Variants in CFAP74 observed in about 807,000 individuals in gnomAD.
The protein encoded by CFAP74 is cilia- and flagella-associated protein 74.
A neutral mutation model predicts 188.9 loss-of-function variants in CFAP74; 124 were observed. The ratio of observed to expected loss-of-function variants is 0.66; its 90% CI spans 0.57 to 0.76. CFAP74 has a LOEUF of 0.76. Ranked by LOEUF, CFAP74 falls within the 30% of genes least tolerant of loss-of-function variation. The pLI is 0.00. For missense variants in CFAP74, 2,198 were observed against 2,165.2 expected (o/e 1.02, Z -0.30); for synonymous variants, 956 against 916.7 (o/e 1.04, Z -0.77).
chr1:1,988,558 G>C lies in CFAP74; in HGVS notation c.250C>G (p.Leu84Val). 1 of 1,613,428 alleles carries C rather than the reference G, an allele frequency of 6.2e-7. No individual in the cohort carries two copies. The highest frequency in any genetic ancestry group is 8.5e-7 in the Non-Finnish European group (1 of 1,180,016). ...TCTTGCTCCTCATGCATCTTATCCA[G>C]GGCGCTCAGGTTCTGCCGCAGGTGA... ...AFHLRQNLSA[L>V]DKMHEEQELF... Residue 84 changes from leucine to valine, a missense_variant, in exon 4 of 39, where the codon CTG becomes GTG. By Grantham distance (32) the Leu-to-Val change is conservative (BLOSUM62 1). Coordinates refer to ENST00000682832, the MANE Select transcript of CFAP74 (RefSeq NM_001304360.2).
Position 1,942,017 on chromosome 1 carries a change from C to T in CFAP74, c.2615+11G>A, listed in dbSNP as rs1182700424. 2 of 1,489,466 alleles carry T rather than the reference C, an allele frequency of 1.3e-6. No individual in the cohort carries two copies. The highest frequency in any genetic ancestry group is 5.2e-5 in the East Asian group (2 of 38,796). 92.3% of individuals were successfully genotyped at this position (1,489,466 alleles called of 1,614,324 possible). A position where few individuals can be genotyped will look rare whatever the true frequency, so the allele number is the denominator to read the frequency against. ...GTCCTCCTGTCCCGGCCTTGGCGTC[C>T]TGGCACCTACCGCGGCAGGAACTTG... is the stretch of plus-strand genomic sequence containing the variant. On this transcript the variant is annotated intron_variant, in intron 22 of 38. Coordinates refer to ENST00000682832, the MANE Select transcript of CFAP74 (RefSeq NM_001304360.2). This position sits in a 1 kb window ranked among gnomAD's most constrained non-coding sequence, Gnocchi z 4.3.
chr1:1,961,478 T>C (rs1051448955), intron 14 of CFAP74, among the ~76,000 whole-genome samples: 2 of 152,096 alleles, frequency 1.3e-5, no homozygotes, highest in East Asian at 3.9e-4. Context: ...AGGAGAGTGG[T>C]GGCCTCAACC....
chr1:1,988,877 C>T lies in CFAP74; in HGVS notation c.152+12G>A. ...CCCCACACCCACCTCCACCCCCGAT[C>T]CTCCGAGTTACCTGCTGTGTCCCGG... is the stretch of plus-strand genomic sequence containing the variant. On this transcript the variant is annotated intron_variant, in intron 3 of 38. Transcript: ENST00000682832. 7.8e-7 allele frequency: 1 copy of T among 1,287,740 alleles called. No homozygotes were observed. Among genetic ancestry groups the T allele is most frequent in the Non-Finnish European group, 1.1e-6 (1 of 916,702 alleles). 79.8% of individuals were successfully genotyped at this position (1,287,740 alleles called of 1,614,324 possible).
rs1656261339 is a variant in CFAP74 at position 1,973,934 on chromosome 1, G to A, written c.674+91C>T. The stretch of plus-strand genomic sequence containing the variant: ...GTGGATCTGGACAGATGTGGAGGGC[G>A]AGGCTGAATCTGGAGACCCCTGGGG... On this transcript the variant is annotated intron_variant, in intron 7 of 38. Transcript: ENST00000682832. The surrounding 1 kb of genome is among the most constrained non-coding windows in gnomAD (Gnocchi z 6.2). 7.9e-6 allele frequency: 10 copies of A among 1,268,828 alleles called. No homozygotes were observed. Among genetic ancestry groups the A allele is most frequent in the Middle Eastern group, 5.7e-4 (2 of 3,490 alleles). The allele number at this position is 1,268,828 out of a possible 1,614,324, so 78.6% of individuals were successfully genotyped here.
In CFAP74 at chr1:1,926,315, G is replaced by A; in HGVS notation, c.3861C>T (p.Pro1287=). 1 of 1,547,642 alleles carries A rather than the reference G, an allele frequency of 6.5e-7. No individual in the cohort carries two copies. Among genetic ancestry groups the A allele is most frequent in the Non-Finnish European group, 8.7e-7 (1 of 1,145,368 alleles). The change falls in exon 32 of 39, where the codon CCC becomes CCT. Residue 1287 remains proline (P), a synonymous_variant. Transcript: ENST00000682832. ...LDFSLLNPNG[P]FVLLNHSSLL... ...GGCTGGAGTGGTTCAGCAGGACAAA[G>A]GGGCCGTTGGGGTTCAGCAGGGAGA...
Position 1,930,251 on chromosome 1 carries a change from G to C in CFAP74, c.3097C>G (p.Leu1033Val), listed in dbSNP as rs1349933190. 1 of 1,535,698 alleles carries C rather than the reference G, an allele frequency of 6.5e-7. No homozygotes were observed. The highest frequency in any genetic ancestry group is 1.2e-5 in the South Asian group (1 of 84,062). The change falls in exon 26 of 39, where the codon CTA (leucine) becomes GTA (valine). Residue 1033 changes from leucine (L) to valine (V), a missense_variant. Coordinates refer to ENST00000682832, the MANE Select transcript of CFAP74 (RefSeq NM_001304360.2). ...HYQIKFAATA[L>V]YDTSVATVYV... is the part of the protein sequence containing the mutation. ...ACTGTAGCCACGGAGGTGTCGTATAGGGCCGTGGCGGCAAACTTGATCTGG... is the reference window on the plus strand; with the variant it reads ...ACTGTAGCCACGGAGGTGTCGTATACGGCCGTGGCGGCAAACTTGATCTGG...
chr1:2,002,094 G>A (rs1571008037), intron 1 of CFAP74, among the ~76,000 whole-genome samples: 1 of 152,108 alleles, frequency 6.6e-6, no homozygotes, highest in African/African-American at 2.4e-5. Flanking sequence ...CTCCTGACTC[G>A]GGCCATGTGT....
At chr1:1,945,849 C>CAAAGAAT (rs1483536141) in intron 20 of CFAP74, among the ~76,000 whole-genome samples, 1 of 144,986 alleles carries the variant, frequency 6.9e-6, no homozygotes, top group African/African-American at 2.5e-5. Flanking sequence ...AAAAAAAGAA[C>CAAAGAAT]AAAGGCTCTG....
At chr1:1,953,620 C>CA (rs1208847417) in intron 18 of CFAP74, 1 of 153,588 alleles carries the variant, frequency 6.5e-6, no homozygotes, top group Non-Finnish European at 1.5e-5. Flanking sequence ...TTGACACGGA[C>CA]AACGAATGGA....
Position 1,924,531 on chromosome 1 carries a change from C to T in CFAP74, c.4105-11G>A. 2 of 1,598,752 alleles carry T rather than the reference C, an allele frequency of 1.3e-6. No individual in the cohort carries two copies. Among genetic ancestry groups the T allele is most frequent in the African/African-American group, 2.7e-5 (2 of 74,520 alleles). On this transcript the variant is annotated splice_polypyrimidine_tract_variant and intron_variant, in intron 33 of 38. Coordinates refer to ENST00000682832, the MANE Select transcript of CFAP74 (RefSeq NM_001304360.2). The stretch of plus-strand genomic sequence containing the variant: ...AGAGTTGTTCTGCAGCTGCAGAGAG[C>T]AGGCCGCGGTCACTGCCCGCCAGCC...
intron 12 of CFAP74, 46 bp from the exon 13 acceptor site, chr1:1,965,107 T>C: frequency 3.2e-6 from 5 of 1,575,312 alleles, no homozygotes; most frequent in Non-Finnish European, 4.3e-6. Context: ...CGGCTCCACC[T>C]GGGCGGCGCC....
At chr1:1,927,871 G>A (rs1362727480) in intron 27 of CFAP74, 125 bp from the exon 28 acceptor site, 31 of 1,121,884 alleles carry the variant, frequency 2.8e-5, no homozygotes, top group African/African-American at 9.4e-5. Flanking sequence ...ATGTGGGGAC[G>A]CAAAAGCCGA....
At chr1:1,946,251 C>A in intron 20 of CFAP74, 66 bp downstream of exon 20, 2 of 1,464,558 alleles carry the variant, frequency 1.4e-6, no homozygotes, top group Non-Finnish European at 9.0e-7. Context: ...CCAAGGGCAG[C>A]TGCCACATGA....
chr1:1,979,127 T>C lies in CFAP74; in HGVS notation c.501-4929A>G, dbSNP rs374130311. On this transcript the variant is annotated intron_variant, in intron 6 of 38. Coordinates refer to ENST00000682832, the MANE Select transcript of CFAP74 (RefSeq NM_001304360.2). ...ACGTGACAAGGCTGCACAGAACATGTGTGTGGTACTGAGCTGGGCGTGGGA... is the reference window on the plus strand; with the variant it reads ...ACGTGACAAGGCTGCACAGAACATGCGTGTGGTACTGAGCTGGGCGTGGGA... Among the ~76,000 whole-genome samples the C allele has an allele frequency of 2.0e-3, 157 of 77,556 alleles. 2 individuals carry two copies. Among genetic ancestry groups the C allele is most frequent in the African/African-American group, 6.2e-3 (130 of 20,854 alleles). The allele number at this position is 77,556 out of a possible 152,430, so 50.9% of individuals were successfully genotyped here.
At chr1:1,991,602 C>A (rs1287990363) in intron 1 of CFAP74, among the ~76,000 whole-genome samples, 4 of 151,134 alleles carry the variant, frequency 2.6e-5, no homozygotes, top group Non-Finnish European at 5.9e-5. Context: ...GACTCCATCT[C>A]AAGAAAAAAA....
At chr1:1,958,097 CCT>C (rs1394483569) in intron 16 of CFAP74, among the ~76,000 whole-genome samples, 1 of 152,242 alleles carries the variant, frequency 6.6e-6, no homozygotes, top group Non-Finnish European at 1.5e-5. Flanking sequence ...CATCCCAACC[CCT>C]CTCCACGGCG....
At chr1:1,967,821 C>T (rs1436247767) in intron 11 of CFAP74, among the ~76,000 whole-genome samples, 2 of 152,202 alleles carry the variant, frequency 1.3e-5, no homozygotes, top group African/African-American at 2.4e-5. Flanking sequence ...ACTAGAAATA[C>T]ATTCCCCCAA....
intron 25 of CFAP74, among the ~76,000 whole-genome samples, chr1:1,934,940 T>TGACCCCTGGC (rs1330547793): frequency 9.6e-4 from 86 of 89,892 alleles, no homozygotes; most frequent in Non-Finnish European, 1.3e-3. Flanking sequence ...CACAGGTGTG[T>TGACCCCTGGC]ACGTGGGTGT....
intron 9 of CFAP74, among the ~76,000 whole-genome samples, chr1:1,971,209 C>G (rs931905806): frequency 6.8e-6 from 1 of 146,696 alleles, no homozygotes; most frequent in African/African-American, 2.5e-5. Context: ...ACATGCACAC[C>G]TGCACACATA....
Sources: gnomAD v4.1 joint callset for allele counts (sites outside exome capture counted in the v4.1 genomes callset) on GRCh38, gnomAD v4.1.1 for gene constraint, Gnocchi (gnomAD v3.1) non-coding constraint, MANE v1.5 for transcripts, NCBI Gene and HGNC (gene_info 2026-07-23, HGNC 2026-07-21) for gene names.